Variants in PTPRD observed in about 807,000 individuals in gnomAD.
PTPRD encodes protein tyrosine phosphatase receptor type D.
A neutral mutation model predicts 214.5 loss-of-function variants in PTPRD; 34 were observed. The observed-to-expected ratio is 0.16, with a 90% confidence interval of 0.12 to 0.21. PTPRD has a LOEUF of 0.21. PTPRD is among the 10% of genes least tolerant of loss of function. PTPRD has a pLI of 1.00. For missense variants in PTPRD, 2,545 were observed against 2,398.7 expected (o/e 1.06, Z -1.27); for synonymous variants, 1,128 against 845.7 (o/e 1.33, Z -5.79).
At chr9:9,416,247 C>T (rs2076954958) in intron 8 of PTPRD, among the ~76,000 whole-genome samples, 1 of 152,148 alleles carries the variant, frequency 6.6e-6, no homozygotes, top group African/African-American at 2.4e-5. Context: ...TTAGAGAACT[C>T]ATTCTAAAAT....
At chr9:9,026,795 C>T (rs1246635520) in intron 10 of PTPRD, among the ~76,000 whole-genome samples, 1 of 151,818 alleles carries the variant, frequency 6.6e-6, no homozygotes, top group African/African-American at 2.4e-5. Context: ...GATTAACAAA[C>T]ACCTTTATAG....
intron 10 of PTPRD, among the ~76,000 whole-genome samples, chr9:9,072,935 G>A (rs529323721): frequency 3.3e-5 from 5 of 152,242 alleles, no homozygotes; most frequent in African/African-American, 4.8e-5. Context: ...AAAAAATTAC[G>A]TGCCATCTTG....
intron 39 of PTPRD, among the ~76,000 whole-genome samples, chr9:8,359,809 T>C (rs1184959715): frequency 6.6e-6 from 1 of 152,204 alleles, no homozygotes; most frequent in African/African-American, 2.4e-5. Flanking sequence ...TCTGTTTTCC[T>C]CCCCTTATCT....
intron 11 of PTPRD, among the ~76,000 whole-genome samples, chr9:9,018,455 T>C (rs142687084): frequency 2.6e-5 from 4 of 152,306 alleles, no homozygotes; most frequent in African/African-American, 9.6e-5. Flanking sequence ...TTTCACTCCA[T>C]CTATATACAT....
chr9:10,499,519 G>C (rs1482685399), intron 2 of PTPRD, among the ~76,000 whole-genome samples: 1 of 151,870 alleles, frequency 6.6e-6, no homozygotes, highest in Non-Finnish European at 1.5e-5. Context: ...TGAGGCTGCT[G>C]TCAAATGTGA....
chr9:9,930,059 T>A (rs976748487), intron 5 of PTPRD, among the ~76,000 whole-genome samples: 22 of 152,138 alleles, frequency 1.4e-4, no homozygotes, highest in South Asian at 8.3e-4. Flanking sequence ...GCATAAGAAG[T>A]ACTATGAGAT....
intron 10 of PTPRD, among the ~76,000 whole-genome samples, chr9:9,031,933 T>G (rs1316910399): frequency 6.6e-6 from 1 of 152,208 alleles, no homozygotes; most frequent in East Asian, 1.9e-4. Flanking sequence ...ATTGGTCTTA[T>G]CTACAGATTT....
At chr9:9,970,188 T>G (rs2094990478) in intron 4 of PTPRD, among the ~76,000 whole-genome samples, 1 of 152,072 alleles carries the variant, frequency 6.6e-6, no homozygotes, top group Non-Finnish European at 1.5e-5. Context: ...TGTTTGCATT[T>G]TAAAAGAATT....
intron 14 of PTPRD, among the ~76,000 whole-genome samples, chr9:8,581,914 A>AAT (rs2093174871): frequency 1.8e-5 from 1 of 54,666 alleles, no homozygotes; most frequent in Admixed American, 1.8e-4. Context: ...CTCAATCTCC[A>AAT]AAAAAAAAAA....
chr9:10,166,570 G>C, intron 3 of PTPRD, among the ~76,000 whole-genome samples: 1 of 151,886 alleles, frequency 6.6e-6, no homozygotes, highest in East Asian at 1.9e-4. Flanking sequence ...AAAAGTGGCT[G>C]ACTAATGTGA....
chr9:9,741,611 C>T (rs1051356976), intron 6 of PTPRD, among the ~76,000 whole-genome samples: 3 of 152,098 alleles, frequency 2.0e-5, no homozygotes, highest in Non-Finnish European at 4.4e-5. Flanking sequence ...CCATAGTCCC[C>T]CAAACCCTGA....
At position 9,947,453 on chromosome 9, in the gene PTPRD, TTTTATATATACTATATATTATATATA is replaced by T. The variant is rs1566619515; in HGVS notation, c.-471-8869_-471-8844del. Among the ~76,000 whole-genome samples the T allele has an allele frequency of 5.3e-3, 159 of 29,972 alleles. 5 individuals are homozygous for T. The highest frequency in any genetic ancestry group is 0.04 in the African/African-American group (153 of 3,790). 19.7% of individuals were successfully genotyped at this position (29,972 alleles called of 152,430 possible). ...TATATATATTATATATTTTATATAT[TTTTATATATACTATATATTATATATA>T]TTTTATATATATTATATATATTTTA... On this transcript the variant is annotated intron_variant, in intron 4 of 45. Coordinates refer to ENST00000381196, the MANE Select transcript of PTPRD (RefSeq NM_002839.4).
At chr9:9,323,742 G>T (rs1407264995) in intron 9 of PTPRD, among the ~76,000 whole-genome samples, 1 of 152,098 alleles carries the variant, frequency 6.6e-6, no homozygotes, top group Non-Finnish European at 1.5e-5. Flanking sequence ...TGCACAATGT[G>T]CAGGTTTGTT....
intron 8 of PTPRD, among the ~76,000 whole-genome samples, chr9:9,461,223 C>T (rs573347135): frequency 5.3e-5 from 8 of 151,970 alleles, no homozygotes; most frequent in African/African-American, 1.9e-4. Flanking sequence ...CTATTTGGTA[C>T]TATGTTCACT....
At chr9:9,199,108 G>C (rs373975523) in intron 9 of PTPRD, among the ~76,000 whole-genome samples, 5 of 152,148 alleles carry the variant, frequency 3.3e-5, no homozygotes, top group Non-Finnish European at 7.4e-5. Flanking sequence ...CTTCTCTGAT[G>C]ATGAGTGCAC....
At chr9:10,046,464 AC>A (rs2097398553) in intron 3 of PTPRD, among the ~76,000 whole-genome samples, 1 of 151,788 alleles carries the variant, frequency 6.6e-6, no homozygotes, top group Admixed American at 6.6e-5. Context: ...ATCTTTTTTT[AC>A]CTTTAAAAAA....
intron 7 of PTPRD, among the ~76,000 whole-genome samples, chr9:9,636,535 G>C (rs933720995): frequency 6.6e-6 from 1 of 152,166 alleles, no homozygotes; most frequent in Non-Finnish European, 1.5e-5. Context: ...TGAGATATAA[G>C]AAGAAATCTG....
At chr9:10,253,788 A>C (rs1227458210) in intron 3 of PTPRD, among the ~76,000 whole-genome samples, 5 of 152,198 alleles carry the variant, frequency 3.3e-5, no homozygotes, top group Non-Finnish European at 5.9e-5. Flanking sequence ...GCAATAGGCA[A>C]ACTCTAATTT....
intron 3 of PTPRD, among the ~76,000 whole-genome samples, chr9:10,094,657 C>T (rs1346063594): frequency 2.0e-5 from 3 of 149,404 alleles, no homozygotes; most frequent in Non-Finnish European, 4.5e-5. Flanking sequence ...TATCTATAAT[C>T]ATGTTTAGTT....
Sources: gnomAD v4.1 joint callset for allele counts (sites outside exome capture counted in the v4.1 genomes callset) on GRCh38, gnomAD v4.1.1 for gene constraint, MANE v1.5 for transcripts, NCBI Gene and HGNC (gene_info 2026-07-23, HGNC 2026-07-21) for gene names.